DCDC2B: variants seen among roughly 807,000 people sequenced by gnomAD.
The protein encoded by DCDC2B is doublecortin domain containing 2B.
Under a neutral mutation model 38.9 loss-of-function variants are expected in DCDC2B, and 41 were observed. The observed-to-expected ratio is 1.05, with a 90% CI of 0.82 to 1.37. The LOEUF (loss-of-function observed/expected upper bound fraction) is 1.37. Among genes scored for constraint, DCDC2B ranks in the 40% most tolerant of loss-of-function variants. The pLI, the probability that DCDC2B is intolerant of heterozygous loss-of-function variation, is 0.00. For missense variants in DCDC2B, 453 were observed against 427.2 expected (o/e 1.06, Z -0.53); for synonymous variants, 181 against 171.9 (o/e 1.05, Z -0.41).
chr1:32,211,899 G>A lies in DCDC2B; in HGVS notation c.395+62G>A, dbSNP rs953532987. 7 of 1,561,738 alleles carry A rather than the reference G, an allele frequency of 4.5e-6. No homozygotes were observed. The African/African-American group carries it at 9.5e-5, about 21-fold the overall frequency. On this transcript the variant is annotated intron_variant, in intron 3 of 8. Transcript: ENST00000409358. ...TTGTTTTAGTAAGGCCAAGAAAATG[G>A]TGTTGGGTTTGTTCTAGGAGCCTCT...
At position 32,210,503 on chromosome 1, in the gene DCDC2B, G is replaced by GA. The variant is rs1037697501; in HGVS notation, c.267-760dup. Reference sequence around the variant, plus strand: ...ACAGAGTGAGACTCTGTCTCAAAAAGAAAAAAAAAGAGAAAAAAAGAAAAA... The same window carrying GA: ...ACAGAGTGAGACTCTGTCTCAAAAAGAAAAAAAAAAGAGAAAAAAAGAAAAA... On this transcript the variant is annotated intron_variant, in intron 1 of 8. Coordinates refer to ENST00000409358, the MANE Select transcript of DCDC2B (RefSeq NM_001099434.2). Among the ~76,000 whole-genome samples the GA allele has an allele frequency of 1.8e-4, 26 of 143,216 alleles. No individual in the cohort carries two copies. The East Asian group carries it at 2.1e-3, about 11-fold the overall frequency. The allele number at this position is 143,216 out of a possible 152,430, so 94.0% of individuals were successfully genotyped here.
In DCDC2B at chr1:32,212,494, T is replaced by A; in HGVS notation, c.532T>A (p.Cys178Ser). 6.2e-7 allele frequency: 1 copy of A among 1,613,938 alleles called. No homozygotes were observed. The highest frequency in any genetic ancestry group is 2.2e-5 in the East Asian group (1 of 44,888). The change falls in exon 5 of 9, where the codon TGC becomes AGC. Residue 178 changes from cysteine (C) to serine (S), a missense_variant. Cys to Ser is a moderately radical substitution (Grantham distance 112). Coordinates refer to ENST00000409358, the MANE Select transcript of DCDC2B (RefSeq NM_001099434.2). ...KLQSGAVCKL[C>S]TLEGLPLSAG... ...CTCCTCACCTCTCTCTCCCAGACTC[T>A]GCACCCTAGAGGGGCTCCCACTGTC...
chr1:32,214,312 C>CAAA (rs58837364), intron 6 of DCDC2B, among the ~76,000 whole-genome samples: 11 of 51,934 alleles, frequency 2.1e-4, no homozygotes, highest in Non-Finnish European at 2.5e-4. Flanking sequence ...ACTCAAGTCT[C>CAAA]AAAAAAAAAA....
chr1:32,211,274 A>G lies in DCDC2B; in HGVS notation c.269A>G (p.Tyr90Cys). Residue 90 changes from tyrosine to cysteine, a missense_variant and splice_region_variant, in exon 2 of 9, where the codon TAT becomes TGT. By Grantham distance (194) the Tyr-to-Cys change is radical (BLOSUM62 -2). Transcript: ENST00000409358. ...AGFERFHKLHYLPHRGKDPGG... is the reference protein window; with the variant it reads ...AGFERFHKLHCLPHRGKDPGG... ...CTGTGATCTATCTGTCCTTTCAGCT[A>G]TTTACCCCATAGAGGGAAGGACCCA... 1 of 1,613,756 alleles carries G rather than the reference A, an allele frequency of 6.2e-7. No individual in the cohort carries two copies. The highest frequency in any genetic ancestry group is 8.5e-7 in the Non-Finnish European group (1 of 1,179,800).
chr1:32,211,450 C>A, intron 2 of DCDC2B, 127 bp downstream of exon 2: 1 of 924,814 alleles, frequency 1.1e-6, no homozygotes, highest in Non-Finnish European at 1.6e-6. Context: ...ACTTTGGAGC[C>A]AGCTACTATC....
chr1:32,214,972 T>A, intron 7 of DCDC2B, 40 bp downstream of exon 7: 1 of 1,612,052 alleles, frequency 6.2e-7, no homozygotes, highest in Non-Finnish European at 8.5e-7. Context: ...TCAGCTGCCC[T>A]TTGACAGTGA....
intron 6 of DCDC2B, 132 bp from the exon 7 acceptor site, chr1:32,214,665 T>C: frequency 7.4e-7 from 1 of 1,350,184 alleles, no homozygotes; most frequent in Non-Finnish European, 1.0e-6. Flanking sequence ...GAGGACGTAC[T>C]TTGTGAAGAC....
At position 32,215,458 on chromosome 1, in the gene DCDC2B, G is replaced by A; in HGVS notation, c.869G>A (p.Gly290Glu). 1 of 1,612,970 alleles carries A rather than the reference G, an allele frequency of 6.2e-7. No individual in the cohort carries two copies. The highest frequency in any genetic ancestry group is 1.1e-5 in the South Asian group (1 of 91,026). Reference protein sequence around the residue: ...SFPSGVIGVYGAPHRRKETAG... With the variant: ...SFPSGVIGVYEAPHRRKETAG... ...TCTTTAGGAGTTATAGGAGTATATG[G>A]AGCTCCCCACCGAAGGAAGGAGACA... is the stretch of plus-strand genomic sequence containing the variant. Residue 290 changes from glycine to glutamate, a missense_variant, in exon 8 of 9, where the codon GGA (glycine) becomes GAA (glutamate). Physicochemically the swap from Gly to Glu is moderately conservative, Grantham distance 98 (BLOSUM62 -2). Transcript: ENST00000409358.
intron 1 of DCDC2B, among the ~76,000 whole-genome samples, chr1:32,210,325 T>TAAAAA (rs905848009): frequency 1.3e-5 from 1 of 78,746 alleles, no homozygotes; most frequent in Non-Finnish European, 2.5e-5. Flanking sequence ...AAACTCCATC[T>TAAAAA]AAAAAAAAAA....
chr1:32,212,657 G>A, intron 5 of DCDC2B, 21 bp downstream of exon 5: 1 of 1,613,402 alleles, frequency 6.2e-7, no homozygotes, highest in Non-Finnish European at 8.5e-7. Flanking sequence ...GGGAGGTGGA[G>A]CGGTAACAGG....
chr1:32,214,608 C>A, intron 6 of DCDC2B, 189 bp from the exon 7 acceptor site: 1 of 733,150 alleles, frequency 1.4e-6, no homozygotes. Context: ...GCATCTACTG[C>A]TCTGTCCCTG....
rs564591136 is a variant in DCDC2B, at chr1:32,214,905, A to G, written c.823A>G (p.Lys275Glu). 1 of 1,613,954 alleles carries G rather than the reference A, an allele frequency of 6.2e-7. No homozygotes were observed. Among genetic ancestry groups the G allele is most frequent in the African/African-American group, 1.3e-5 (1 of 75,018 alleles). Residue 275 changes from lysine (K) to glutamate (E), a missense_variant, in exon 7 of 9, where the codon AAG (lysine) becomes GAG (glutamate). Transcript: ENST00000409358. ...CCAGCAGACCATTCAGCCAAGAAGC[A>G]AGCTCCCCACACTCTCATTCCCATC... Reference protein sequence around the residue: ...RPQQTIQPRSKLPTLSFPSGV... With the variant: ...RPQQTIQPRSELPTLSFPSGV...
chr1:32,210,543 G>A (rs1394049287), intron 1 of DCDC2B, among the ~76,000 whole-genome samples: 1 of 151,182 alleles, frequency 6.6e-6, no homozygotes, highest in Non-Finnish European at 1.5e-5. Flanking sequence ...GCCAGAGGAG[G>A]GAAGCTAGGT....
chr1:32,212,328 A>AC, intron 4 of DCDC2B, 127 bp downstream of exon 4: 1 of 1,533,520 alleles, frequency 6.5e-7, no homozygotes, highest in Non-Finnish European at 8.8e-7. Flanking sequence ...CCCCTATGCC[A>AC]CTGGGAGAGG....
intron 1 of DCDC2B, among the ~76,000 whole-genome samples, chr1:32,210,558 T>G (rs1331566760): frequency 6.6e-6 from 1 of 152,090 alleles, no homozygotes; most frequent in Non-Finnish European, 1.5e-5. Context: ...CTAGGTAGAC[T>G]TAGAATCTAG....
intron 6 of DCDC2B, among the ~76,000 whole-genome samples, chr1:32,213,609 T>C (rs1643676125): frequency 6.7e-6 from 1 of 148,794 alleles, no homozygotes. Context: ...CCCGGGTTCA[T>C]GCCATTCTCC....
chr1:32,210,470 C>A (rs1235899589), intron 1 of DCDC2B, among the ~76,000 whole-genome samples: 2 of 151,400 alleles, frequency 1.3e-5, no homozygotes, highest in African/African-American at 4.9e-5. Context: ...TGCACTCCAG[C>A]CTGGGGGACA....
chr1:32,215,043 G>C, intron 7 of DCDC2B, 111 bp downstream of exon 7: 7 of 1,338,888 alleles, frequency 5.2e-6, no homozygotes, highest in African/African-American at 1.6e-5. Flanking sequence ...CAGACACAAA[G>C]CCGGCACTGG....
At chr1:32,214,635 G>A in intron 6 of DCDC2B, 162 bp from the exon 7 acceptor site, 4 of 981,104 alleles carry the variant, frequency 4.1e-6, no homozygotes, top group Non-Finnish European at 5.9e-6. Flanking sequence ...TCAGGCTGGT[G>A]GGAAGAGGCA....
Sources: allele counts gnomAD v4.1 joint callset (sites outside exome capture counted in the v4.1 genomes callset), GRCh38; gene constraint gnomAD v4.1.1; transcripts MANE v1.5; gene names NCBI Gene and HGNC (gene_info 2026-07-23, HGNC 2026-07-21).